Variants in SPATA13 observed in about 807,000 individuals in gnomAD.
The protein encoded by SPATA13 is spermatogenesis-associated protein 13.
A neutral mutation model predicts 104.0 loss-of-function variants in SPATA13; 50 were observed. The observed-to-expected ratio is 0.48, with a 90% CI of 0.38 to 0.61. The LOEUF is 0.61. SPATA13 is among the 20% of genes least tolerant of loss of function. The probability of loss-of-function intolerance (pLI) is 0.00; values close to 1 mark genes in which losing one functional copy is unlikely to be tolerated. For missense variants in SPATA13, 1,524 were observed against 1,690.6 expected (o/e 0.90, Z 1.73); for synonymous variants, 606 against 667.5 (o/e 0.91, Z 1.42).
At chr13:24,177,632 T>A (rs376558445) in intron 1 of SPATA13, among the ~76,000 whole-genome samples, 1 of 151,872 alleles carries the variant, frequency 6.6e-6, no homozygotes, top group African/African-American at 2.4e-5. Flanking sequence ...GCTAATTTTT[T>A]AAATTTTCTG....
At chr13:24,111,051 A>G (rs888978546) in intron 3 of SPATA13, among the ~76,000 whole-genome samples, 2 of 151,888 alleles carry the variant, frequency 1.3e-5, no homozygotes, top group African/African-American at 4.8e-5. Flanking sequence ...GGGACTACAG[A>G]TACTTGACAC....
chr13:24,051,442 C>T lies in SPATA13; in HGVS notation c.-112+33741C>T, dbSNP rs1002245016. ...CACCAGGTACAGCCTGCCAGGCTCT[C>T]GCCTCCAGTTTCACACATCCTTGCA... is the stretch of plus-strand genomic sequence containing the variant. On this transcript the variant is annotated intron_variant, in intron 3 of 14. Coordinates refer to the SPATA13 transcript ENST00000424834. The surrounding 1 kb of genome is among the most constrained non-coding windows in gnomAD (Gnocchi z 4.2). 1.3e-5 allele frequency among the ~76,000 whole-genome samples: 2 copies of T among 152,220 alleles called. No homozygotes were observed. Among genetic ancestry groups the T allele is most frequent in the Non-Finnish European group, 1.5e-5 (1 of 68,046 alleles).
intron 3 of SPATA13, among the ~76,000 whole-genome samples, chr13:24,112,688 A>T (rs118036487): frequency 6.6e-6 from 1 of 152,274 alleles, no homozygotes; most frequent in East Asian, 1.9e-4. Flanking sequence ...GGAGGTGCTG[A>T]TGTCTCAGTC....
intron 3 of SPATA13, chr13:24,121,946 C>G: frequency 2.8e-6 from 2 of 711,370 alleles, no homozygotes. Flanking sequence ...GTTGTTGTTT[C>G]TTTTGTCCAT....
At chr13:24,215,553 C>T (rs911450723) in intron 1 of SPATA13, among the ~76,000 whole-genome samples, 3 of 152,192 alleles carry the variant, frequency 2.0e-5, no homozygotes, top group Non-Finnish European at 2.9e-5. Context: ...TGCCTGGAAA[C>T]ACATTTTATG....
rs558636247 is a variant in SPATA13, at chr13:24,223,600, C to T, written c.671C>T (p.Pro224Leu). 1.4e-5 allele frequency: 21 copies of T among 1,551,136 alleles called. No individual in the cohort carries two copies. The African/African-American group carries it at 2.3e-4, about 17-fold the overall frequency. ...GATGCGCCCCAGAACCATGCGACAC[C>T]CACGATAGCCACTGGCCAGGTGCCC... is the stretch of plus-strand genomic sequence containing the variant. ...LLDAPQNHAT[P>L]TIATGQVPAV... Residue 224 changes from proline to leucine, a missense_variant, in exon 2 of 13, where the codon CCC (proline) becomes CTC (leucine). Transcript: ENST00000382108.
intron 1 of SPATA13, among the ~76,000 whole-genome samples, chr13:24,171,374 G>A (rs944906379): frequency 6.6e-6 from 1 of 152,166 alleles, no homozygotes; most frequent in Non-Finnish European, 1.5e-5. Flanking sequence ...CATGGGGAGG[G>A]TGGAGTGAGG....
chr13:24,185,627 A>T (rs1869094732), intron 1 of SPATA13, among the ~76,000 whole-genome samples: 2 of 152,198 alleles, frequency 1.3e-5, no homozygotes, highest in Non-Finnish European at 2.9e-5. Flanking sequence ...ATTGGTGTTA[A>T]CGTAATAGGC....
chr13:23,990,632 T>C (rs1875368551), intron 2 of SPATA13, among the ~76,000 whole-genome samples: 1 of 152,204 alleles, frequency 6.6e-6, no homozygotes, highest in Non-Finnish European at 1.5e-5. Context: ...AGCATGTCCC[T>C]TAGCTTGCAA....
At chr13:24,296,750 G>A (rs1412711316) in intron 10 of SPATA13, among the ~76,000 whole-genome samples, 1 of 152,064 alleles carries the variant, frequency 6.6e-6, no homozygotes, top group East Asian at 1.9e-4. Context: ...GAGGCTTCAG[G>A]CTAGGAAGAC....
intron 3 of SPATA13, among the ~76,000 whole-genome samples, chr13:24,132,737 G>A (rs1358624488): frequency 1.3e-5 from 2 of 152,136 alleles, no homozygotes; most frequent in African/African-American, 4.8e-5. Context: ...ACTTTGGGAG[G>A]CCAAGGCAGG....
chr13:24,281,937 G>A (rs1384707967), intron 4 of SPATA13, among the ~76,000 whole-genome samples: 3 of 152,216 alleles, frequency 2.0e-5, no homozygotes, highest in Non-Finnish European at 4.4e-5. Flanking sequence ...TGACAGCCCT[G>A]TCTGTGCTTG....
At chr13:24,130,201 C>G (rs768847214) in intron 3 of SPATA13, among the ~76,000 whole-genome samples, 4 of 152,216 alleles carry the variant, frequency 2.6e-5, no homozygotes, top group African/African-American at 9.6e-5. Flanking sequence ...AGGGCAGTCA[C>G]AAGCCCCTGC....
intron 1 of SPATA13, among the ~76,000 whole-genome samples, chr13:24,175,593 T>C (rs1868392439): frequency 6.6e-6 from 1 of 152,212 alleles, no homozygotes; most frequent in South Asian, 2.1e-4. Flanking sequence ...TCTTGTTGAG[T>C]AATGTTTATG....
In SPATA13 at chr13:24,069,521, C is replaced by T. The variant is rs538445606; in HGVS notation, c.-112+51820C>T. Among the ~76,000 whole-genome samples the T allele has an allele frequency of 7.6e-4, 115 of 152,266 alleles. 1 individual carries two copies. Among genetic ancestry groups the T allele is most frequent in the African/African-American group, 2.7e-3 (114 of 41,546 alleles). ...TTTATCAGGTTAAGAAGCTTTTGGT[C>T]TGAGATTGGGTTTCCTAGATATAGG... is the stretch of plus-strand genomic sequence containing the variant. On this transcript the variant is annotated intron_variant, in intron 3 of 14. Coordinates refer to the SPATA13 transcript ENST00000424834.
At chr13:24,200,462 C>T (rs566378994) in intron 1 of SPATA13, among the ~76,000 whole-genome samples, 25 of 152,058 alleles carry the variant, frequency 1.6e-4, no homozygotes, top group Non-Finnish European at 3.1e-4. Context: ...CAACCTGAAA[C>T]GTGAAATGCT....
chr13:24,261,598 G>T (rs1007596401), intron 4 of SPATA13, among the ~76,000 whole-genome samples: 1 of 152,122 alleles, frequency 6.6e-6, no homozygotes, highest in African/African-American at 2.4e-5. Context: ...ACCAGTGAAG[G>T]CAGAGAAATT....
At chr13:24,237,530 C>T (rs546248654) in intron 2 of SPATA13, among the ~76,000 whole-genome samples, 2 of 152,168 alleles carry the variant, frequency 1.3e-5, no homozygotes, top group East Asian at 3.9e-4. Flanking sequence ...TAGTCATTGC[C>T]AGGGGCTGTG....
intron 3 of SPATA13, among the ~76,000 whole-genome samples, chr13:24,144,418 C>T (rs768774174): frequency 5.3e-5 from 8 of 152,202 alleles, no homozygotes; most frequent in Non-Finnish European, 1.0e-4. Flanking sequence ...TAACATCACT[C>T]AGCACCTTCT....
Sources: gnomAD v4.1 joint callset for allele counts (sites outside exome capture counted in the v4.1 genomes callset) on GRCh38, gnomAD v4.1.1 for gene constraint, Gnocchi (gnomAD v3.1) non-coding constraint, MANE v1.5 for transcripts, NCBI Gene and HGNC (gene_info 2026-07-23, HGNC 2026-07-21) for gene names.